YWHAE: variants seen among roughly 807,000 people sequenced by gnomAD.
YWHAE encodes the protein 14-3-3 protein epsilon.
In YWHAE, 4 loss-of-function variants were observed where a neutral mutation model predicts 30.1. The ratio of observed to expected loss-of-function variants is 0.13; its 90% CI spans 0.07 to 0.30. The LOEUF is 0.30. YWHAE is among the 10% of genes least tolerant of loss of function. The pLI, the probability that YWHAE is intolerant of heterozygous loss-of-function variation, is 1.00. For synonymous variants in YWHAE, 118 were observed against 111.8 expected, an observed-to-expected ratio of 1.06 and a Z score of -0.35; for missense variants, 121 against 315.9, an observed-to-expected ratio of 0.38 and a Z score of 4.68.
rs370536926 is a variant in YWHAE at position 1,389,920 on chromosome 17, TGCAACCTC to T, written c.64+10119_64+10126del. On this transcript the variant is annotated intron_variant, in intron 1 of 5. Coordinates refer to ENST00000264335, the MANE Select transcript of YWHAE (RefSeq NM_006761.5). ...GTGCAATGGTACAATCTCGGCTCAC[TGCAACCTC>T]CGCCTCCCAGGTTCAAGCAAACCTC... 1.0e-2 allele frequency among the ~76,000 whole-genome samples: 1,514 copies of T among 152,108 alleles called. 23 individuals are homozygous for T. Among genetic ancestry groups the T allele is most frequent in the African/African-American group, 0.034 (1,409 of 41,498 alleles).
chr17:1,364,507 T>C (rs1011048551), intron 2 of YWHAE, among the ~76,000 whole-genome samples: 17 of 152,190 alleles, frequency 1.1e-4, no homozygotes, highest in African/African-American at 3.9e-4. Flanking sequence ...ATTACAGGCC[T>C]GAGCCACCGC....
At chr17:1,376,333 CAGAAAGACAGACAGAAAGACA>C (rs1195541052) in intron 1 of YWHAE, among the ~76,000 whole-genome samples, 2 of 150,704 alleles carry the variant, frequency 1.3e-5, no homozygotes, top group Non-Finnish European at 3.0e-5. Flanking sequence ...AGAACGAAGA[CAGAAAGACAGACAGAAAGACA>C]AGAAAGACAG....
At chr17:1,391,662 T>C (rs979875950) in intron 1 of YWHAE, among the ~76,000 whole-genome samples, 2 of 152,214 alleles carry the variant, frequency 1.3e-5, no homozygotes, top group African/African-American at 4.8e-5. Context: ...AATTCGTCAA[T>C]TTGGATATAT....
intron 5 of YWHAE, among the ~76,000 whole-genome samples, chr17:1,349,283 A>T (rs1567953336): frequency 6.6e-6 from 1 of 152,190 alleles, no homozygotes; most frequent in African/African-American, 2.4e-5. Flanking sequence ...TGGAAGCTGC[A>T]GTGAGCAGAG....
At chr17:1,382,433 G>A (rs1288391716) in intron 1 of YWHAE, among the ~76,000 whole-genome samples, 9 of 145,908 alleles carry the variant, frequency 6.2e-5, no homozygotes, top group South Asian at 2.2e-4. Flanking sequence ...AAGCTCTACC[G>A]GCAAGCTCCG....
chr17:1,365,150 G>GA (rs35058521), intron 1 of YWHAE, 92 bp from the exon 2 acceptor site: 13 of 1,278,256 alleles, frequency 1.0e-5, no homozygotes, highest in South Asian at 5.6e-5. Context: ...AAGCTACTGC[G>GA]AAAAAAACAT....
At chr17:1,370,107 C>T (rs528214877) in intron 1 of YWHAE, among the ~76,000 whole-genome samples, 32 of 148,238 alleles carry the variant, frequency 2.2e-4, no homozygotes, top group African/African-American at 7.2e-4. Flanking sequence ...ACAGCATTTA[C>T]CCACAGAAAA....
chr17:1,386,249 A>G (rs1356699319), intron 1 of YWHAE, among the ~76,000 whole-genome samples: 1 of 152,214 alleles, frequency 6.6e-6, no homozygotes, highest in African/African-American at 2.4e-5. Context: ...GTCAGTGAAG[A>G]AACACTGAGC....
At chr17:1,385,876 A>G (rs2073292951) in intron 1 of YWHAE, among the ~76,000 whole-genome samples, 2 of 152,136 alleles carry the variant, frequency 1.3e-5, no homozygotes, top group Non-Finnish European at 2.9e-5. Context: ...CCCAGCTGAA[A>G]GACCAGCCTG....
intron 5 of YWHAE, among the ~76,000 whole-genome samples, chr17:1,353,383 A>C (rs1436918229): frequency 6.8e-6 from 1 of 147,450 alleles, no homozygotes; most frequent in Non-Finnish European, 1.5e-5. Context: ...GCTTGCAGTG[A>C]GCCAAGATCG....
intron 1 of YWHAE, among the ~76,000 whole-genome samples, chr17:1,373,301 G>A (rs1389466503): frequency 2.0e-5 from 3 of 151,944 alleles, no homozygotes; most frequent in African/African-American, 4.8e-5. Context: ...CTCAGTTCAC[G>A]GATCCCCAAA....
At chr17:1,353,122 G>A (rs1411657343) in intron 5 of YWHAE, among the ~76,000 whole-genome samples, 2 of 152,134 alleles carry the variant, frequency 1.3e-5, no homozygotes, top group Non-Finnish European at 2.9e-5. Flanking sequence ...ATACTCTGAA[G>A]CGTTTGCAAT....
chr17:1,379,293 T>C (rs769593619), intron 1 of YWHAE, among the ~76,000 whole-genome samples: 1 of 152,056 alleles, frequency 6.6e-6, no homozygotes, highest in African/African-American at 2.4e-5. Flanking sequence ...AAGCCCAGTC[T>C]GGGGAGCACG....
At chr17:1,398,401 G>C (rs924141475) in intron 1 of YWHAE, among the ~76,000 whole-genome samples, 2 of 146,012 alleles carry the variant, frequency 1.4e-5, no homozygotes, top group Non-Finnish European at 3.0e-5. Flanking sequence ...ACGAAATTTA[G>C]TTCACTATAT....
intron 4 of YWHAE, 74 bp from the exon 5 acceptor site, chr17:1,354,421 A>G (rs2072692770): frequency 7.0e-7 from 1 of 1,435,386 alleles, no homozygotes; most frequent in South Asian, 1.3e-5. Flanking sequence ...GCTAGACAGC[A>G]ATCTTTTCTT....
intron 5 of YWHAE, chr17:1,351,974 G>C (rs1451018739): frequency 6.7e-6 from 1 of 149,656 alleles, no homozygotes; most frequent in Non-Finnish European, 1.5e-5. Flanking sequence ...TTTAAAGACA[G>C]GGTCTTACTA....
intron 1 of YWHAE, among the ~76,000 whole-genome samples, chr17:1,383,958 C>T (rs2073259055): frequency 6.6e-6 from 1 of 151,996 alleles, no homozygotes; most frequent in African/African-American, 2.4e-5. Context: ...GTAATTCAAG[C>T]ACTTTGGGAG....
At chr17:1,399,739 T>TCC in intron 1 of YWHAE, 1 of 389,428 alleles carries the variant, frequency 2.6e-6, no homozygotes, top group Non-Finnish European at 4.9e-6. Flanking sequence ...ACCCGCCATC[T>TCC]CCTCCCCCTC....
At chr17:1,391,323 G>C (rs2073387032) in intron 1 of YWHAE, among the ~76,000 whole-genome samples, 3 of 152,114 alleles carry the variant, frequency 2.0e-5, no homozygotes, top group African/African-American at 7.2e-5. Context: ...TAGAGACGTA[G>C]ATCTAAGCTA....
Sources: gnomAD v4.1 joint callset for allele counts (sites outside exome capture counted in the v4.1 genomes callset) on GRCh38, gnomAD v4.1.1 for gene constraint, MANE v1.5 for transcripts, NCBI Gene and HGNC (gene_info 2026-07-23, HGNC 2026-07-21) for gene names.